MTF1: variants seen among roughly 807,000 people sequenced by gnomAD.
MTF1 encodes the protein MRE-binding transcription factor.
MTF1 carries 22 observed loss-of-function variants against 70.4 expected under a neutral mutation model. The ratio of observed to expected loss-of-function variants is 0.31; its 90% CI spans 0.22 to 0.45. The LOEUF (loss-of-function observed/expected upper bound fraction) is 0.45. Among genes scored for constraint, MTF1 ranks in the 20% least tolerant of loss-of-function variants. The pLI is 1.00. For missense variants in MTF1, 649 were observed against 922.0 expected (o/e 0.70, Z 3.83); for synonymous variants, 333 against 352.8 (o/e 0.94, Z 0.63).
chr1:37,833,404 T>C (rs1437086884), intron 6 of MTF1, among the ~76,000 whole-genome samples: 1 of 152,198 alleles, frequency 6.6e-6, no homozygotes, highest in Non-Finnish European at 1.5e-5. Context: ...CTCAGAGTGG[T>C]ACTGGGGATT....
chr1:37,817,094 G>T (rs765180129), intron 10 of MTF1, among the ~76,000 whole-genome samples: 1 of 152,208 alleles, frequency 6.6e-6, no homozygotes, highest in Non-Finnish European at 1.5e-5. Flanking sequence ...AATTAGAAAA[G>T]AGTCCAGTGA....
intron 9 of MTF1, among the ~76,000 whole-genome samples, chr1:37,821,376 T>C (rs1386131451): frequency 1.3e-5 from 2 of 152,096 alleles, no homozygotes; most frequent in African/African-American, 2.4e-5. Context: ...CAATGAATAA[T>C]AGCTGTTGAT....
intron 1 of MTF1, 88 bp from the exon 2 acceptor site, chr1:37,857,797 T>C: frequency 1.3e-6 from 1 of 740,972 alleles, no homozygotes; most frequent in South Asian, 1.9e-5. Context: ...CCCTCTCACT[T>C]AAAGAGCAAG....
At chr1:37,835,611 G>A in intron 5 of MTF1, 60 bp downstream of exon 5, 2 of 1,254,162 alleles carry the variant, frequency 1.6e-6, no homozygotes, top group Non-Finnish European at 2.3e-6. Flanking sequence ...TAGCTCTACA[G>A]GTCTCAATGG....
chr1:37,854,921 T>C (rs1344008276), intron 2 of MTF1, among the ~76,000 whole-genome samples: 2 of 152,140 alleles, frequency 1.3e-5, no homozygotes, highest in East Asian at 3.8e-4. Context: ...TAGCTGGGTG[T>C]GGTAGCGCAT....
At chr1:37,847,556 T>C (rs1217667093) in intron 2 of MTF1, among the ~76,000 whole-genome samples, 2 of 152,180 alleles carry the variant, frequency 1.3e-5, no homozygotes, top group Non-Finnish European at 2.9e-5. Flanking sequence ...CTCTGCCTGG[T>C]GCCCCAAATG....
At chr1:37,825,227 G>A (rs1640984795) in intron 7 of MTF1, among the ~76,000 whole-genome samples, 1 of 152,014 alleles carries the variant, frequency 6.6e-6, no homozygotes. Flanking sequence ...AACTCAAGTG[G>A]CAAAATTTTG....
Position 37,815,439 on chromosome 1 carries a change from G to A in MTF1, c.1959C>T (p.Cys653=), listed in dbSNP as rs1162228527. ...KERASSRRKG[C]SSPPPPEPSP... is the part of the protein sequence containing the mutation. ...TCGGCTCTGGAGGGGGTGGGGAGGA[G>A]CAGCCCTTTCTCCTGCTGGATGCCC... The change falls in exon 11 of 11, where the codon TGC becomes TGT. Residue 653 remains cysteine, a synonymous_variant. Coordinates refer to ENST00000373036, the MANE Select transcript of MTF1 (RefSeq NM_005955.3). The surrounding 1 kb of genome is among the most constrained non-coding windows in gnomAD (Gnocchi z 4.5). 1 of 1,611,506 alleles carries A rather than the reference G, an allele frequency of 6.2e-7. No individual in the cohort carries two copies. The highest frequency in any genetic ancestry group is 2.2e-5 in the East Asian group (1 of 44,832).
intron 7 of MTF1, among the ~76,000 whole-genome samples, chr1:37,831,711 C>G (rs3996440): frequency 0.59 from 90,248 of 151,790 alleles, 28,658 homozygotes; most frequent in Non-Finnish European, 0.71. Context: ...ATAGAGGCCT[C>G]TATATGTGTA....
In MTF1 at chr1:37,817,280, A is replaced by G. The variant is rs139126805; in HGVS notation, c.1831+139T>C. Reference sequence around the variant, plus strand: ...TGTGAGAATATGAAATACTCTAGCCAACAATACAATGTGAAGAATTTAACT... The same window carrying G: ...TGTGAGAATATGAAATACTCTAGCCGACAATACAATGTGAAGAATTTAACT... On this transcript the variant is annotated intron_variant, in intron 10 of 10. Coordinates refer to ENST00000373036, the MANE Select transcript of MTF1 (RefSeq NM_005955.3). The G allele has an allele frequency of 4.2e-5, 29 of 698,140 alleles. 1 individual carries two copies. In the Middle Eastern group the frequency reaches 2.2e-3, roughly 53 times the overall value. The allele number at this position is 698,140 out of a possible 1,614,324, so 43.2% of individuals were successfully genotyped here. A position where few individuals can be genotyped will look rare whatever the true frequency, so the allele number is the denominator to read the frequency against.
At chr1:37,834,218 A>C (rs958915904) in intron 6 of MTF1, among the ~76,000 whole-genome samples, 2 of 152,270 alleles carry the variant, frequency 1.3e-5, no homozygotes, top group African/African-American at 4.8e-5. Flanking sequence ...GTTTCAAATA[A>C]AATGAAATAA....
intron 2 of MTF1, among the ~76,000 whole-genome samples, chr1:37,851,390 A>G (rs931118291): frequency 1.1e-4 from 16 of 152,220 alleles, no homozygotes; most frequent in African/African-American, 3.9e-4. Flanking sequence ...AGAATGGCAA[A>G]CCAGACTTGC....
In MTF1 at chr1:37,855,352, G is replaced by A. The variant is rs542656465; in HGVS notation, c.408+1899C>T. On this transcript the variant is annotated intron_variant, in intron 2 of 10. Transcript: ENST00000373036. ...TAACAATCAGAGCTGGCTAACAAAT[G>A]TATTGGGTTGGGGTATGAAACACTC... Among the ~76,000 whole-genome samples, 197 of 152,240 alleles carry A rather than the reference G, an allele frequency of 1.3e-3. 1 individual carries two copies. Among genetic ancestry groups the A allele is most frequent in the Non-Finnish European group, 2.0e-3 (133 of 68,028 alleles).
chr1:37,858,825 G>A lies in MTF1; in HGVS notation c.-52+706C>T, dbSNP rs994009633. Among the ~76,000 whole-genome samples, 3 of 152,230 alleles carry A rather than the reference G, an allele frequency of 2.0e-5. No individual in the cohort carries two copies. In the South Asian group the frequency reaches 6.2e-4, roughly 32 times the overall value. Reference sequence around the variant, plus strand: ...TTTGAAGCTTTCATGTTCTGGAATAGTGATTCTTCCTTCATCTGCAAACAC... The same window carrying A: ...TTTGAAGCTTTCATGTTCTGGAATAATGATTCTTCCTTCATCTGCAAACAC... On this transcript the variant is annotated intron_variant, in intron 1 of 10. Transcript: ENST00000373036.
chr1:37,823,577 T>C (rs1557588198), intron 8 of MTF1, 133 bp downstream of exon 8: 1 of 586,620 alleles, frequency 1.7e-6, no homozygotes, highest in Non-Finnish European at 3.0e-6. Flanking sequence ...GGAATTAAAC[T>C]GAAAGACCCA....
chr1:37,848,879 G>A (rs1047085981), intron 2 of MTF1, among the ~76,000 whole-genome samples: 2 of 152,114 alleles, frequency 1.3e-5, no homozygotes, highest in African/African-American at 4.8e-5. Flanking sequence ...CTCTAGGAGA[G>A]TCAACAACAT....
chr1:37,840,122 G>A lies in MTF1; in HGVS notation c.445C>T (p.Arg149Cys). The change falls in exon 3 of 11, where the codon CGC (arginine) becomes TGC (cysteine). Residue 149 changes from arginine to cysteine, a missense_variant. Coordinates refer to ENST00000373036, the MANE Select transcript of MTF1 (RefSeq NM_005955.3). The surrounding 1 kb of genome is among the most constrained non-coding windows in gnomAD (Gnocchi z 4.5). ...AGGTTGCCTGCTGTGCTGTAGGTGC[G>A]GGGACAGCCCTCAAAGGTACATTGG... is the stretch of plus-strand genomic sequence containing the variant. ...RYQCTFEGCP[R>C]TYSTAGNLRT... The A allele has an allele frequency of 1.9e-6, 3 of 1,614,142 alleles. No homozygotes were observed. Among genetic ancestry groups the A allele is most frequent in the East Asian group, 2.2e-5 (1 of 44,876 alleles).
chr1:37,841,132 T>C (rs1641248667), intron 2 of MTF1: 1 of 163,146 alleles, frequency 6.1e-6, no homozygotes. Context: ...TTTTGAAGAC[T>C]ACACCTCTGC....
intron 9 of MTF1, among the ~76,000 whole-genome samples, chr1:37,821,360 A>G (rs1273923629): frequency 2.0e-5 from 3 of 152,170 alleles, no homozygotes; most frequent in Non-Finnish European, 2.9e-5. Context: ...ACACATAGTA[A>G]GGACTCAATG....
Sources: gnomAD v4.1 joint callset for allele counts (sites outside exome capture counted in the v4.1 genomes callset) on GRCh38, gnomAD v4.1.1 for gene constraint, Gnocchi (gnomAD v3.1) non-coding constraint, MANE v1.5 for transcripts, NCBI Gene and HGNC (gene_info 2026-07-23, HGNC 2026-07-21) for gene names.